The following SULF2 variants were observed in gnomAD, a reference collection of about 807,000 sequenced individuals.
The protein encoded by SULF2 is sulfatase 2.
A neutral mutation model predicts 107.7 loss-of-function variants in SULF2; 52 were observed. That is an observed-to-expected ratio of 0.48 (90% confidence interval 0.39 to 0.61). The LOEUF (loss-of-function observed/expected upper bound fraction) is 0.61. Ranked by LOEUF, SULF2 falls within the 20% of genes least tolerant of loss-of-function variation. The pLI is 0.00. For missense variants in SULF2, 993 were observed against 1,177.3 expected (o/e 0.84, Z 2.29); for synonymous variants, 460 against 464.3 (o/e 0.99, Z 0.12).
At chr20:47,751,258 C>T (rs1487842265) in intron 2 of SULF2, among the ~76,000 whole-genome samples, 3 of 152,230 alleles carry the variant, frequency 2.0e-5, no homozygotes, top group Admixed American at 2.0e-4. Context: ...ACACCAGCTA[C>T]CTGCCTTCTT....
At chr20:47,721,817 T>A (rs747598501) in intron 3 of SULF2, among the ~76,000 whole-genome samples, 4 of 152,228 alleles carry the variant, frequency 2.6e-5, no homozygotes, top group African/African-American at 9.6e-5. Flanking sequence ...GATGAGGCTC[T>A]TTCTAGCTCT....
intron 5 of SULF2, 172 bp from the exon 6 acceptor site, chr20:47,684,753 A>T (rs2087943736): frequency 5.1e-6 from 3 of 584,458 alleles, no homozygotes; most frequent in Non-Finnish European, 8.7e-6. Context: ...GCTTATCCAA[A>T]CCCTGTTTCA....
At chr20:47,738,168 A>G (rs764829880) in intron 2 of SULF2, among the ~76,000 whole-genome samples, 3 of 152,240 alleles carry the variant, frequency 2.0e-5, no homozygotes, top group Non-Finnish European at 4.4e-5. Flanking sequence ...CCAAGGTCCC[A>G]GGAGGGCAAA....
chr20:47,686,797 C>T (rs763728385), intron 5 of SULF2, among the ~76,000 whole-genome samples: 29 of 152,304 alleles, frequency 1.9e-4, no homozygotes, highest in Non-Finnish European at 4.0e-4. Context: ...CCCCTGGACT[C>T]GGCTTTCTCA....
At chr20:47,689,480 C>A (rs1402964359) in intron 5 of SULF2, 1 of 152,212 alleles carries the variant, frequency 6.6e-6, no homozygotes, top group Admixed American at 6.5e-5. Context: ...GGGACTGAGC[C>A]CCAGTCAAGC....
chr20:47,710,690 T>C (rs931205991), intron 3 of SULF2, among the ~76,000 whole-genome samples: 6 of 152,178 alleles, frequency 3.9e-5, no homozygotes, highest in African/African-American at 9.7e-5. Flanking sequence ...TCCCCTGTTA[T>C]AGCCAACTTC....
chr20:47,713,679 G>A (rs1004943865), intron 3 of SULF2, among the ~76,000 whole-genome samples: 4 of 151,892 alleles, frequency 2.6e-5, no homozygotes, highest in Admixed American at 2.6e-4. Flanking sequence ...GAGCCCAGGA[G>A]TTTAGGTCTG....
chr20:47,723,736 C>T (rs959906318), intron 3 of SULF2, among the ~76,000 whole-genome samples: 16 of 152,170 alleles, frequency 1.1e-4, no homozygotes, highest in African/African-American at 3.1e-4. Context: ...CCATTGCCCC[C>T]GGGTGAGACC....
At chr20:47,781,848 G>A (rs759128352) in intron 1 of SULF2, among the ~76,000 whole-genome samples, 2 of 152,164 alleles carry the variant, frequency 1.3e-5, no homozygotes, top group Non-Finnish European at 2.9e-5. Context: ...GGTGCCCACA[G>A]CTGCCAGGGA....
At chr20:47,741,772 A>G (rs1469358795) in intron 2 of SULF2, among the ~76,000 whole-genome samples, 3 of 152,162 alleles carry the variant, frequency 2.0e-5, no homozygotes, top group Non-Finnish European at 4.4e-5. Flanking sequence ...AAAGGACAAA[A>G]GCTGGCCACC....
intron 1 of SULF2, among the ~76,000 whole-genome samples, chr20:47,764,719 G>C (rs1370862684): frequency 6.6e-6 from 1 of 152,142 alleles, no homozygotes; most frequent in African/African-American, 2.4e-5. Context: ...CTTGTAGCCA[G>C]GTACAGACTC....
chr20:47,697,362 G>T (rs1025597371), intron 4 of SULF2, among the ~76,000 whole-genome samples: 1 of 152,224 alleles, frequency 6.6e-6, no homozygotes, highest in Non-Finnish European at 1.5e-5. Context: ...TCTGAGGGGG[G>T]CTTACGAAGG....
chr20:47,693,757 G>A (rs146237959), intron 4 of SULF2, among the ~76,000 whole-genome samples: 61 of 152,376 alleles, frequency 4.0e-4, no homozygotes, highest in African/African-American at 1.4e-3. Flanking sequence ...TACCTCCAGG[G>A]GAGGGCTCAG....
chr20:47,662,308 T>C (rs2087103280), intron 17 of SULF2, among the ~76,000 whole-genome samples: 1 of 152,184 alleles, frequency 6.6e-6, no homozygotes, highest in Non-Finnish European at 1.5e-5. Flanking sequence ...CCTGGGTTCT[T>C]GTGTAGTCTG....
At position 47,755,819 on chromosome 20, in the gene SULF2, G is replaced by A. The variant is rs1050410038; in HGVS notation, c.175+1370C>T. On this transcript the variant is annotated intron_variant, in intron 2 of 20. Coordinates refer to ENST00000688720, the MANE Select transcript of SULF2 (RefSeq NM_001387048.1). Reference sequence around the variant, plus strand: ...GAATCAAACTCAAAGCCCCCACCATGGCCACAAGGCCTGGTGCAACCCGGG... The same window carrying A: ...GAATCAAACTCAAAGCCCCCACCATAGCCACAAGGCCTGGTGCAACCCGGG... Among the ~76,000 whole-genome samples, 3 of 152,036 alleles carry A rather than the reference G, an allele frequency of 2.0e-5. No homozygotes were observed. The East Asian group carries it at 5.8e-4, about 29-fold the overall frequency.
intron 3 of SULF2, among the ~76,000 whole-genome samples, chr20:47,735,543 A>T (rs2089708496): frequency 1.3e-5 from 2 of 152,144 alleles, no homozygotes; most frequent in African/African-American, 4.8e-5. Context: ...GCCCCCGCCA[A>T]TCATCTAGGG....
intron 1 of SULF2, among the ~76,000 whole-genome samples, chr20:47,767,569 A>T (rs2090550402): frequency 6.6e-6 from 1 of 152,232 alleles, no homozygotes. Context: ...TCATGAGGTC[A>T]GATCGAGACC....
At chr20:47,772,972 G>A (rs867623400) in intron 1 of SULF2, among the ~76,000 whole-genome samples, 1 of 152,130 alleles carries the variant, frequency 6.6e-6, no homozygotes, top group East Asian at 1.9e-4. Context: ...CAGGAGACCT[G>A]AGTGAGTAAA....
chr20:47,726,265 G>C (rs930772462), intron 3 of SULF2, among the ~76,000 whole-genome samples: 2 of 152,186 alleles, frequency 1.3e-5, no homozygotes, highest in African/African-American at 4.8e-5. Flanking sequence ...AAGTACAGTG[G>C]TGTGATCATG....
Sources: gnomAD v4.1 joint callset for allele counts (sites outside exome capture counted in the v4.1 genomes callset) on GRCh38, gnomAD v4.1.1 for gene constraint, MANE v1.5 for transcripts, NCBI Gene and HGNC (gene_info 2026-07-23, HGNC 2026-07-21) for gene names.